The following RXFP1 variants were observed in gnomAD, a reference collection of about 807,000 sequenced individuals.
RXFP1 encodes relaxin receptor 1.
Under a neutral mutation model 89.8 loss-of-function variants are expected in RXFP1, and 73 were observed. The observed-to-expected ratio is 0.81, with a 90% CI of 0.67 to 0.99. RXFP1 has a LOEUF of 0.99. Among genes scored for constraint, RXFP1 ranks in the 50% least tolerant of loss-of-function variants. RXFP1 has a pLI of 0.00. For missense variants in RXFP1, 793 were observed against 895.5 expected (o/e 0.89, Z 1.46); for synonymous variants, 277 against 305.5 (o/e 0.91, Z 0.97).
chr4:158,578,137 T>C (rs1307804509), intron 2 of RXFP1, among the ~76,000 whole-genome samples: 5 of 152,220 alleles, frequency 3.3e-5, no homozygotes, highest in Admixed American at 1.3e-4. Flanking sequence ...ATTTTTATAA[T>C]AACTTTGATC....
chr4:158,653,337 C>G lies in RXFP1; in HGVS notation c.*1282C>G, dbSNP rs986668895. 6.6e-6 allele frequency: 1 copy of G among 152,118 alleles called. No homozygotes were observed. The highest frequency in any genetic ancestry group is 1.5e-5 in the Non-Finnish European group (1 of 68,024). The allele number at this position is 152,118 out of a possible 1,614,324, so 9.4% of individuals were successfully genotyped here. On this transcript the variant is annotated 3_prime_UTR_variant, in exon 18 of 18. Transcript: ENST00000307765. The stretch of plus-strand genomic sequence containing the variant: ...GAATATATAGTTGTATAGATTTGTT[C>G]TGAAAATAAATTATCTGAAATTTAA...
At chr4:158,599,984 A>G (rs1761375618) in intron 4 of RXFP1, among the ~76,000 whole-genome samples, 1 of 152,220 alleles carries the variant, frequency 6.6e-6, no homozygotes, top group Non-Finnish European at 1.5e-5. Context: ...ATGTAAAAAA[A>G]TTATCACCAT....
chr4:158,636,935 A>ACT (rs1561181757), intron 12 of RXFP1, among the ~76,000 whole-genome samples: 2 of 152,012 alleles, frequency 1.3e-5, no homozygotes, highest in Non-Finnish European at 2.9e-5. Context: ...ACCACCTTCT[A>ACT]CTCTCTACTT....
At chr4:158,566,659 C>T (rs1418389410) in intron 1 of RXFP1, among the ~76,000 whole-genome samples, 3 of 152,166 alleles carry the variant, frequency 2.0e-5, no homozygotes, top group Non-Finnish European at 2.9e-5. Flanking sequence ...CCACCACACC[C>T]GGCCCAAAAG....
intron 1 of RXFP1, among the ~76,000 whole-genome samples, chr4:158,532,735 A>T (rs1016068609): frequency 1.3e-5 from 2 of 152,114 alleles, no homozygotes; most frequent in Non-Finnish European, 2.9e-5. Context: ...TTCTCAGGAG[A>T]GCACAGGAAG....
intron 1 of RXFP1, among the ~76,000 whole-genome samples, chr4:158,546,900 C>T (rs535707509): frequency 9.3e-4 from 141 of 152,214 alleles, no homozygotes; most frequent in African/African-American, 3.4e-3. Context: ...GGATGTTGGT[C>T]TAAAATTCTC....
At chr4:158,538,355 G>A (rs1560965234) in intron 1 of RXFP1, among the ~76,000 whole-genome samples, 1 of 152,216 alleles carries the variant, frequency 6.6e-6, no homozygotes, top group African/African-American at 2.4e-5. Context: ...GCACTCTGGG[G>A]AAAGAAGCAG....
intron 5 of RXFP1, among the ~76,000 whole-genome samples, chr4:158,605,586 A>T (rs1478828266): frequency 2.0e-5 from 3 of 152,322 alleles, no homozygotes; most frequent in South Asian, 4.1e-4. Flanking sequence ...TGTGGGTTGA[A>T]ACCTCTGAGC....
chr4:158,572,564 A>G (rs1755310298), intron 1 of RXFP1, 134 bp from the exon 2 acceptor site: 1 of 767,302 alleles, frequency 1.3e-6, no homozygotes, highest in Admixed American at 2.2e-5. Flanking sequence ...CTAGAAAATA[A>G]CTGGCATCAG....
At position 158,646,838 on chromosome 4, in the gene RXFP1, G is replaced by C; in HGVS notation, c.1393G>C (p.Asp465His). The C allele has an allele frequency of 6.2e-7, 1 of 1,614,018 alleles. No individual in the cohort carries two copies. Among genetic ancestry groups the C allele is most frequent in the Non-Finnish European group, 8.5e-7 (1 of 1,179,952 alleles). Residue 465 changes from aspartate (D) to histidine (H), a missense_variant, in exon 16 of 18, where the codon GAC (aspartate) becomes CAC (histidine). By Grantham distance (81) the Asp-to-His change is moderately conservative (BLOSUM62 -1). Coordinates refer to ENST00000307765, the MANE Select transcript of RXFP1 (RefSeq NM_021634.4). ...GIYLFVIGGF[D>H]LKFRGEYNKH... is the part of the protein sequence containing the mutation. Reference sequence around the variant, plus strand: ...ATATTTATTCGTGATCGGAGGCTTTGACCTAAAGTTTCGTGGAGAATACAA... The same window carrying C: ...ATATTTATTCGTGATCGGAGGCTTTCACCTAAAGTTTCGTGGAGAATACAA...
At chr4:158,612,887 C>T (rs759606867) in intron 8 of RXFP1, among the ~76,000 whole-genome samples, 1 of 152,048 alleles carries the variant, frequency 6.6e-6, no homozygotes, top group Admixed American at 6.5e-5. Context: ...GGGATTAAGG[C>T]GTGAGCCACC....
intron 1 of RXFP1, among the ~76,000 whole-genome samples, chr4:158,562,917 T>G (rs551456604): frequency 3.3e-5 from 5 of 152,278 alleles, no homozygotes; most frequent in African/African-American, 1.2e-4. Flanking sequence ...AGTTAGAGGC[T>G]AATATTCCTA....
chr4:158,646,899 G>A lies in RXFP1; in HGVS notation c.1454G>A (p.Cys485Tyr). Residue 485 changes from cysteine (C) to tyrosine (Y), a missense_variant, in exon 16 of 18, where the codon TGT (cysteine) becomes TAT (tyrosine). Cys to Tyr is a radical substitution (Grantham distance 194). Coordinates refer to ENST00000307765, the MANE Select transcript of RXFP1 (RefSeq NM_021634.4). ...HAQLWMESTH[C>Y]QLVGSLAILS... ...CAGCTGTGGATGGAGAGTACTCATT[G>A]TCAGCTTGTAGGATCTTTGGCCATT... 2 of 1,614,176 alleles carry A rather than the reference G, an allele frequency of 1.2e-6. No individual in the cohort carries two copies. Among genetic ancestry groups the A allele is most frequent in the Non-Finnish European group, 1.7e-6 (2 of 1,180,014 alleles).
At chr4:158,585,701 A>G (rs530576584) in intron 2 of RXFP1, among the ~76,000 whole-genome samples, 2 of 152,350 alleles carry the variant, frequency 1.3e-5, no homozygotes, top group Non-Finnish European at 2.9e-5. Context: ...AAAGTACCTT[A>G]GTAGTCACTG....
chr4:158,616,988 CAAA>C (rs11321888), intron 8 of RXFP1, 140 bp from the exon 9 acceptor site: 984 of 441,144 alleles, frequency 2.2e-3, no homozygotes, highest in South Asian at 4.4e-3. Context: ...GCCTCCATCT[CAAA>C]AAAAAAAAAA....
At chr4:158,632,489 A>G (rs1768250578) in intron 11 of RXFP1, among the ~76,000 whole-genome samples, 1 of 152,162 alleles carries the variant, frequency 6.6e-6, no homozygotes, top group Admixed American at 6.5e-5. Context: ...TACAGAGCTC[A>G]AGTCTATTGA....
rs553123119 is a variant in RXFP1, at chr4:158,548,330, G to A, written c.50-24368G>A. Among the ~76,000 whole-genome samples the A allele has an allele frequency of 1.2e-4, 19 of 152,124 alleles. 1 individual carries two copies. In the South Asian group the frequency reaches 2.7e-3, roughly 22 times the overall value. Reference sequence around the variant, plus strand: ...AGATCTTCCTCCATCCCTTTATTGTGAGCCTATGTGTGTCTCTGCATGTGA... The same window carrying A: ...AGATCTTCCTCCATCCCTTTATTGTAAGCCTATGTGTGTCTCTGCATGTGA... On this transcript the variant is annotated intron_variant, in intron 1 of 17. Transcript: ENST00000307765.
Position 158,617,436 on chromosome 4 carries a change from T to A in RXFP1, c.755+231T>A, listed in dbSNP as rs530213962. ...AAACATCTCAAAAAAAATATATATA[T>A]ATATATATATACTGGAGCCAGGAAG... On this transcript the variant is annotated intron_variant, in intron 9 of 17. Coordinates refer to ENST00000307765, the MANE Select transcript of RXFP1 (RefSeq NM_021634.4). Among the ~76,000 whole-genome samples the A allele has an allele frequency of 9.1e-3, 1,288 of 141,954 alleles. 24 individuals carry two copies. Among genetic ancestry groups the A allele is most frequent in the African/African-American group, 0.034 (1,221 of 35,916 alleles). The allele number at this position is 141,954 out of a possible 152,430, so 93.1% of individuals were successfully genotyped here.
intron 1 of RXFP1, among the ~76,000 whole-genome samples, chr4:158,557,379 TA>T (rs1267935359): frequency 6.6e-6 from 1 of 152,218 alleles, no homozygotes; most frequent in Non-Finnish European, 1.5e-5. Flanking sequence ...ATAAATTCCT[TA>T]AAGTATCAGT....
Sources: allele counts gnomAD v4.1 joint callset (sites outside exome capture counted in the v4.1 genomes callset), GRCh38; gene constraint gnomAD v4.1.1; transcripts MANE v1.5; gene names NCBI Gene and HGNC (gene_info 2026-07-23, HGNC 2026-07-21).